SLC25A31: variants seen among roughly 807,000 people sequenced by gnomAD.
The protein encoded by SLC25A31 is solute carrier family 25 member 31, also known as ADP/ATP translocase 4.
In SLC25A31, 40 loss-of-function variants were observed where a neutral mutation model predicts 36.2. That is an observed-to-expected ratio of 1.10 (90% CI 0.86 to 1.44). The LOEUF is 1.44. Among genes scored for constraint, SLC25A31 ranks in the 40% most tolerant of loss-of-function variants. SLC25A31 has a pLI of 0.00. For missense variants in SLC25A31, 350 were observed against 397.1 expected (o/e 0.88, Z 1.01); for synonymous variants, 143 against 149.7 (o/e 0.96, Z 0.32).
At chr4:127,767,962 A>T (rs1560641065) in intron 4 of SLC25A31, among the ~76,000 whole-genome samples, 3 of 151,966 alleles carry the variant, frequency 2.0e-5, no homozygotes, top group Admixed American at 6.6e-5. Context: ...AAAATAAATA[A>T]TAAAAAAATA....
intron 4 of SLC25A31, 49 bp downstream of exon 4, chr4:127,767,269 T>C: frequency 1.5e-6 from 2 of 1,367,720 alleles, no homozygotes; most frequent in Non-Finnish European, 1.9e-6. Context: ...GGTTTCCATT[T>C]ATTTAATTAG....
intron 1 of SLC25A31, among the ~76,000 whole-genome samples, chr4:127,731,519 A>T (rs1482593579): frequency 6.6e-6 from 1 of 152,108 alleles, no homozygotes; most frequent in Non-Finnish European, 1.5e-5. Flanking sequence ...GACAAGCCTG[A>T]CTAACATGGC....
intron 2 of SLC25A31, among the ~76,000 whole-genome samples, chr4:127,758,771 A>G (rs1732077104): frequency 6.6e-6 from 1 of 152,192 alleles, no homozygotes; most frequent in Non-Finnish European, 1.5e-5. Flanking sequence ...GTTAAAGATC[A>G]GTTGAGTGTA....
At chr4:127,745,531 T>C (rs1375922195) in intron 2 of SLC25A31, among the ~76,000 whole-genome samples, 1 of 152,166 alleles carries the variant, frequency 6.6e-6, no homozygotes, top group Non-Finnish European at 1.5e-5. Context: ...CATCTCCCAC[T>C]CCTGCCTCAG....
rs34838538 is a variant in SLC25A31, at chr4:127,734,556, CAAAAAAAAAAAAA to C, written c.232+3793_232+3805del. Among the ~76,000 whole-genome samples, 11 of 62,276 alleles carry C rather than the reference CAAAAAAAAAAAAA, an allele frequency of 1.8e-4. No individual in the cohort carries two copies. In the East Asian group the frequency reaches 3.7e-3, roughly 21 times the overall value. The allele number at this position is 62,276 out of a possible 152,430, so 40.9% of individuals were successfully genotyped here. A position where few individuals can be genotyped will look rare whatever the true frequency, so the allele number is the denominator to read the frequency against. ...TCCTGGGTACAGAGGAAGACTGTCTCAAAAAAAAAAAAAAAAAAAAAAAAAAGATCCGTACAGT... is the reference window on the plus strand; with the variant it reads ...TCCTGGGTACAGAGGAAGACTGTCTCAAAAAAAAAAAAAGATCCGTACAGT... On this transcript the variant is annotated intron_variant, in intron 1 of 5. Transcript: ENST00000281154.
intron 3 of SLC25A31, among the ~76,000 whole-genome samples, chr4:127,765,822 G>A (rs1187595926): frequency 6.6e-6 from 1 of 152,128 alleles, no homozygotes; most frequent in Non-Finnish European, 1.5e-5. Context: ...ATAAAAATGT[G>A]AGTTTCATCT....
At chr4:127,766,945 C>T in intron 3 of SLC25A31, 121 bp from the exon 4 acceptor site, 1 of 810,996 alleles carries the variant, frequency 1.2e-6, no homozygotes, top group South Asian at 3.8e-5. Context: ...TGATTTGTGC[C>T]TTCTTTGTTA....
chr4:127,758,365 C>T (rs1001133743), intron 2 of SLC25A31, among the ~76,000 whole-genome samples: 17 of 152,042 alleles, frequency 1.1e-4, no homozygotes, highest in African/African-American at 2.4e-4. Context: ...TATTTAAGTT[C>T]GTTATAGATT....
At position 127,767,338 on chromosome 4, in the gene SLC25A31, A is replaced by AAG. The variant is rs148300815; in HGVS notation, c.633+124_633+125dup. On this transcript the variant is annotated intron_variant, in intron 4 of 5. Transcript: ENST00000281154. ...TAAAAATAAAAATCAGTGATGAAAA[A>AAG]AGAGAGACATGAAATTCTGCTTAAT... 2.0e-3 allele frequency: 1,986 copies of AAG among 997,554 alleles called. 7 individuals are homozygous for AAG. Among genetic ancestry groups the AAG allele is most frequent in the Middle Eastern group, 6.3e-3 (22 of 3,496 alleles). 61.8% of individuals were successfully genotyped at this position (997,554 alleles called of 1,614,324 possible).
chr4:127,733,163 A>G (rs1288136792), intron 1 of SLC25A31, among the ~76,000 whole-genome samples: 1 of 152,164 alleles, frequency 6.6e-6, no homozygotes, highest in Non-Finnish European at 1.5e-5. Flanking sequence ...AGGAAGTAGA[A>G]AAAAGATCGT....
intron 1 of SLC25A31, among the ~76,000 whole-genome samples, chr4:127,732,067 TA>T (rs1400799478): frequency 6.6e-6 from 1 of 152,212 alleles, no homozygotes; most frequent in Non-Finnish European, 1.5e-5. Flanking sequence ...CCAAGTTAGC[TA>T]AAGGGATAAG....
chr4:127,745,648 C>T (rs997682255), intron 2 of SLC25A31, among the ~76,000 whole-genome samples: 8 of 152,028 alleles, frequency 5.3e-5, no homozygotes, highest in African/African-American at 1.9e-4. Context: ...CCTTTTTTCA[C>T]AGTTTTATTA....
intron 1 of SLC25A31, among the ~76,000 whole-genome samples, chr4:127,744,170 G>C (rs571900489): frequency 2.0e-5 from 3 of 152,270 alleles, no homozygotes; most frequent in South Asian, 4.1e-4. Flanking sequence ...TCCCTTTTCT[G>C]GATAAATTTT....
chr4:127,739,203 G>A (rs1464224691), intron 1 of SLC25A31, among the ~76,000 whole-genome samples: 1 of 152,146 alleles, frequency 6.6e-6, no homozygotes, highest in African/African-American at 2.4e-5. Flanking sequence ...TCTTGGCTAT[G>A]TTAACAGTGT....
chr4:127,761,011 TATAC>T (rs1560638382), intron 2 of SLC25A31, among the ~76,000 whole-genome samples: 1 of 152,072 alleles, frequency 6.6e-6, no homozygotes, highest in East Asian at 1.9e-4. Flanking sequence ...CTTATACTTA[TATAC>T]ATACTACCTT....
intron 3 of SLC25A31, among the ~76,000 whole-genome samples, chr4:127,765,881 TAACTC>T (rs1369602346): frequency 6.6e-6 from 1 of 152,000 alleles, no homozygotes; most frequent in Non-Finnish European, 1.5e-5. Context: ...AGGGTAAAAA[TAACTC>T]AATATTATCT....
In SLC25A31 at chr4:127,774,062, T is replaced by C. The variant is rs1732421559; in HGVS notation, c.*488T>C. The C allele has an allele frequency of 6.6e-6, 1 of 152,254 alleles. No homozygotes were observed. The highest frequency in any genetic ancestry group is 1.5e-5 in the Non-Finnish European group (1 of 68,072). The allele number at this position is 152,254 out of a possible 1,614,324, so 9.4% of individuals were successfully genotyped here. ...TCTTCTAAGACAGTTGTTATTACTGTGTATAATATTTACAGTATCAGCCTT... is the reference window on the plus strand; with the variant it reads ...TCTTCTAAGACAGTTGTTATTACTGCGTATAATATTTACAGTATCAGCCTT... On this transcript the variant is annotated 3_prime_UTR_variant, in exon 6 of 6. Coordinates refer to ENST00000281154, the MANE Select transcript of SLC25A31 (RefSeq NM_031291.4).
chr4:127,765,018 T>C (rs1732215307), intron 3 of SLC25A31, among the ~76,000 whole-genome samples: 1 of 152,198 alleles, frequency 6.6e-6, no homozygotes, highest in South Asian at 2.1e-4. Flanking sequence ...TGTTTTTTCT[T>C]TTTAGTTTCT....
At chr4:127,771,339 C>T (rs989753091) in intron 5 of SLC25A31, among the ~76,000 whole-genome samples, 35 of 152,010 alleles carry the variant, frequency 2.3e-4, no homozygotes, top group Admixed American at 2.0e-3. Context: ...CTTTAAAGAC[C>T]CTATCTCCAA....
Sources: gnomAD v4.1 joint callset for allele counts (sites outside exome capture counted in the v4.1 genomes callset) on GRCh38, gnomAD v4.1.1 for gene constraint, MANE v1.5 for transcripts, NCBI Gene and HGNC (gene_info 2026-07-23, HGNC 2026-07-21) for gene names.